The following DDX10 variants were observed in gnomAD, a reference collection of about 807,000 sequenced individuals.
DDX10 encodes the protein probable ATP-dependent RNA helicase DDX10.
In DDX10, 74 loss-of-function variants were observed where a neutral mutation model predicts 104.3. The observed-to-expected ratio is 0.71, with a 90% CI of 0.59 to 0.86. The LOEUF is 0.86. Ranked by LOEUF, DDX10 falls within the 40% of genes least tolerant of loss-of-function variation. The probability of loss-of-function intolerance (pLI) is 0.00; values close to 1 mark genes in which losing one functional copy is unlikely to be tolerated. For missense variants in DDX10, 952 were observed against 1,040.0 expected (o/e 0.92, Z 1.16); for synonymous variants, 351 against 353.4 (o/e 0.99, Z 0.08).
At chr11:108,704,185 G>A (rs7130825) in intron 9 of DDX10, among the ~76,000 whole-genome samples, 10,252 of 152,266 alleles carry the variant, frequency 0.067, 390 homozygotes, top group Middle Eastern at 0.13. Flanking sequence ...GAGTCAGTTG[G>A]AACATGAGAG....
chr11:108,734,515 A>C (rs2094316119), intron 13 of DDX10, among the ~76,000 whole-genome samples: 2 of 152,070 alleles, frequency 1.3e-5, no homozygotes, highest in African/African-American at 4.8e-5. Flanking sequence ...TGACTTCCTG[A>C]GGATGTAAAT....
chr11:108,904,202 G>C (rs760157208), intron 16 of DDX10, among the ~76,000 whole-genome samples: 4 of 152,098 alleles, frequency 2.6e-5, no homozygotes, highest in African/African-American at 9.7e-5. Flanking sequence ...TCAGAGCAGG[G>C]TGGTTTCAAC....
chr11:108,719,124 T>TA (rs1555018023), intron 11 of DDX10, among the ~76,000 whole-genome samples: 7 of 149,942 alleles, frequency 4.7e-5, no homozygotes, highest in Non-Finnish European at 1.0e-4. Flanking sequence ...TTTTTTTTTT[T>TA]AACAGAAACA....
intron 16 of DDX10, among the ~76,000 whole-genome samples, chr11:108,872,563 G>A (rs1419701913): frequency 6.6e-6 from 1 of 152,110 alleles, no homozygotes; most frequent in Non-Finnish European, 1.5e-5. Context: ...GCTTTGGTTT[G>A]CAAAACAAAC....
intron 6 of DDX10, among the ~76,000 whole-genome samples, chr11:108,685,010 T>C (rs2094241502): frequency 7.4e-6 from 1 of 135,648 alleles, no homozygotes; most frequent in African/African-American, 2.8e-5. Flanking sequence ...TTTTGAGAAG[T>C]GTCTGTTCAT....
intron 5 of DDX10, 128 bp from the exon 6 acceptor site, chr11:108,679,243 A>T (rs993886191): frequency 1.5e-5 from 11 of 756,630 alleles, no homozygotes; most frequent in South Asian, 7.7e-5. Context: ...TCCAGACTTT[A>T]TTCAGGTTTT....
At chr11:108,899,687 A>G (rs1346188262) in intron 16 of DDX10, among the ~76,000 whole-genome samples, 1 of 152,078 alleles carries the variant, frequency 6.6e-6, no homozygotes, top group East Asian at 1.9e-4. Flanking sequence ...CACATCTCAT[A>G]TTGAATTGTA....
In DDX10 at chr11:108,824,099, A is replaced by G. The variant is rs185004525; in HGVS notation, c.1966-14347A>G. Among the ~76,000 whole-genome samples the G allele has an allele frequency of 5.5e-3, 841 of 152,158 alleles. 10 individuals carry two copies. Among genetic ancestry groups the G allele is most frequent in the African/African-American group, 0.02 (812 of 41,490 alleles). ...GCTCTGTGTCCCAGGCTGGAGTGCA[A>G]TGGCGCAATCTTGGCTCACTGCAAC... On this transcript the variant is annotated intron_variant, in intron 13 of 17. Coordinates refer to ENST00000322536, the MANE Select transcript of DDX10 (RefSeq NM_004398.4).
chr11:108,851,845 G>A (rs2134605282), intron 15 of DDX10, among the ~76,000 whole-genome samples: 1 of 152,148 alleles, frequency 6.6e-6, no homozygotes, highest in South Asian at 2.1e-4. Flanking sequence ...TCTAGAATGT[G>A]TCTCTTGTAT....
intron 16 of DDX10, among the ~76,000 whole-genome samples, chr11:108,886,941 G>C (rs1047942872): frequency 1.3e-5 from 2 of 152,266 alleles, no homozygotes; most frequent in African/African-American, 4.8e-5. Context: ...TATGACCATT[G>C]TTTTAGTGTA....
chr11:108,729,210 G>C (rs1033748127), intron 13 of DDX10, among the ~76,000 whole-genome samples: 3 of 152,072 alleles, frequency 2.0e-5, no homozygotes, highest in African/African-American at 7.2e-5. Context: ...GTCTCTTTGG[G>C]TTATCGACAG....
At position 108,679,383 on chromosome 11, in the gene DDX10, C is replaced by G; in HGVS notation, c.671C>G (p.Ala224Gly). The G allele has an allele frequency of 6.3e-7, 1 of 1,593,376 alleles. No individual in the cohort carries two copies. The highest frequency in any genetic ancestry group is 1.1e-5 in the South Asian group (1 of 87,286). Residue 224 changes from alanine (A) to glycine (G), a missense_variant, in exon 6 of 18, where the codon GCA (alanine) becomes GGA (glycine). Physicochemically the swap from Ala to Gly is moderately conservative, Grantham distance 60. This residue lies in a region of DDX10 where 412 missense variants were observed against 479.2 expected (regional missense o/e 0.86). Transcript: ENST00000322536. ...TDLQMLVLDE[A>G]DRILDMGFAD... ...TTTCCTTTTTCAGTTCTTGATGAAG[C>G]AGATAGAATCTTGGATATGGGCTTT...
chr11:108,774,515 G>C (rs903182441), intron 13 of DDX10, among the ~76,000 whole-genome samples: 3 of 151,942 alleles, frequency 2.0e-5, no homozygotes, highest in Admixed American at 2.0e-4. Flanking sequence ...TATCTGCCTT[G>C]ATTTAGCCCT....
At chr11:108,669,552 T>G (rs1156315874) in intron 1 of DDX10, among the ~76,000 whole-genome samples, 1 of 152,204 alleles carries the variant, frequency 6.6e-6, no homozygotes, top group African/African-American at 2.4e-5. Flanking sequence ...CTGAGTTGGC[T>G]TCAGATGGGT....
At chr11:108,865,879 A>G (rs543812434) in intron 16 of DDX10, among the ~76,000 whole-genome samples, 2 of 152,164 alleles carry the variant, frequency 1.3e-5, no homozygotes, top group Non-Finnish European at 2.9e-5. Context: ...TAATACCATG[A>G]TAGAGAAGTT....
chr11:108,716,967 G>T (rs1269227910), intron 11 of DDX10, among the ~76,000 whole-genome samples: 1 of 151,412 alleles, frequency 6.6e-6, no homozygotes, highest in Non-Finnish European at 1.5e-5. Flanking sequence ...TAGATTCTTC[G>T]GTAAAAGATG....
At chr11:108,884,345 T>C (rs1863265807) in intron 16 of DDX10, among the ~76,000 whole-genome samples, 1 of 152,184 alleles carries the variant, frequency 6.6e-6, no homozygotes, top group Admixed American at 6.5e-5. Flanking sequence ...TCACACTTGA[T>C]GATCCCTATT....
intron 15 of DDX10, among the ~76,000 whole-genome samples, chr11:108,849,427 A>C (rs1378886036): frequency 6.6e-5 from 10 of 152,124 alleles, no homozygotes; most frequent in Admixed American, 6.6e-4. Context: ...TCACCCTAGA[A>C]TGAAAAAGTT....
At chr11:108,786,257 G>C (rs987147610) in intron 13 of DDX10, among the ~76,000 whole-genome samples, 2 of 151,852 alleles carry the variant, frequency 1.3e-5, no homozygotes, top group African/African-American at 2.4e-5. Context: ...ACTGAAACTT[G>C]CTTTAAGACT....
Sources: allele counts gnomAD v4.1 joint callset (sites outside exome capture counted in the v4.1 genomes callset), GRCh38; gene constraint gnomAD v4.1.1; regional missense constraint gnomAD v4.1.1; transcripts MANE v1.5; gene names NCBI Gene and HGNC (gene_info 2026-07-23, HGNC 2026-07-21).